KIF6: variants seen among roughly 807,000 people sequenced by gnomAD.
KIF6 encodes kinesin family member 6, also known as kinesin-like protein KIF6.
KIF6 carries 106 observed loss-of-function variants against 112.7 expected under a neutral mutation model. That is an observed-to-expected ratio of 0.94 (90% CI 0.80 to 1.11). The LOEUF (loss-of-function observed/expected upper bound fraction) is 1.11. KIF6 is among the 50% of genes least tolerant of loss of function. The probability of loss-of-function intolerance (pLI) is 0.00; values close to 1 mark genes in which losing one functional copy is unlikely to be tolerated. For missense variants in KIF6, 929 were observed against 964.0 expected, an observed-to-expected ratio of 0.96 and a Z score of 0.48; for synonymous variants, 339 against 339.9, an observed-to-expected ratio of 1.00 and a Z score of 0.03.
intron 13 of KIF6, among the ~76,000 whole-genome samples, chr6:39,477,496 G>T (rs930785731): frequency 6.6e-6 from 1 of 152,114 alleles, no homozygotes; most frequent in African/African-American, 2.4e-5. Flanking sequence ...ATAAGGGGCT[G>T]GTTCTCTGCA....
At chr6:39,521,595 G>A (rs2150526212) in intron 13 of KIF6, among the ~76,000 whole-genome samples, 1 of 152,132 alleles carries the variant, frequency 6.6e-6, no homozygotes, top group Middle Eastern at 3.4e-3. Flanking sequence ...TAAAAATGTA[G>A]GGAAAAATCT....
At chr6:39,702,671 G>T (rs753175289) in intron 3 of KIF6, among the ~76,000 whole-genome samples, 1 of 152,138 alleles carries the variant, frequency 6.6e-6, no homozygotes, top group Non-Finnish European at 1.5e-5. Flanking sequence ...CGAAGTGGTG[G>T]AATTGTAGGC....
rs1345275552 is a variant in KIF6, at chr6:39,639,491, C to T, written c.399+119G>A. 5 of 832,718 alleles carry T rather than the reference C, an allele frequency of 6.0e-6. No homozygotes were observed. The African/African-American group carries it at 8.9e-5, about 15-fold the overall frequency. The allele number at this position is 832,718 out of a possible 1,614,324, so 51.6% of individuals were successfully genotyped here. On this transcript the variant is annotated intron_variant, in intron 4 of 22. Coordinates refer to ENST00000287152, the MANE Select transcript of KIF6 (RefSeq NM_145027.6). ...TTAAAGGTAAAGGCCAAAGTTATGA[C>T]ACAATAAGACTTTATCATTTAGACA...
intron 13 of KIF6, among the ~76,000 whole-genome samples, chr6:39,510,220 AGTAC>A (rs1004251298): frequency 1.3e-5 from 2 of 150,826 alleles, no homozygotes; most frequent in Non-Finnish European, 2.9e-5. Flanking sequence ...CAGCCTCCCG[AGTAC>A]TGGGTCTACA....
chr6:39,528,415 G>A (rs545275867), intron 13 of KIF6, among the ~76,000 whole-genome samples: 22 of 152,190 alleles, frequency 1.4e-4, no homozygotes, highest in Non-Finnish European at 2.8e-4. Flanking sequence ...TAATGGTGAA[G>A]TGAACATGGG....
intron 13 of KIF6, among the ~76,000 whole-genome samples, chr6:39,468,284 G>A (rs937526592): frequency 3.3e-5 from 5 of 151,992 alleles, no homozygotes; most frequent in African/African-American, 9.7e-5. Context: ...GAGGGGAGAA[G>A]AGAGAGAGAA....
intron 19 of KIF6, chr6:39,353,636 C>G (rs1417995619): frequency 6.5e-6 from 1 of 154,918 alleles, no homozygotes; most frequent in Non-Finnish European, 1.4e-5. Context: ...AAACACCAGG[C>G]TAGCCAAACA....
chr6:39,429,744 T>TAA (rs1479067287), intron 14 of KIF6, among the ~76,000 whole-genome samples: 8 of 152,040 alleles, frequency 5.3e-5, no homozygotes, highest in Non-Finnish European at 1.2e-4. Flanking sequence ...CCGTCTCTAC[T>TAA]AAAAATACAA....
chr6:39,457,325 G>A (rs1183531789), intron 13 of KIF6, among the ~76,000 whole-genome samples: 2 of 147,386 alleles, frequency 1.4e-5, no homozygotes, highest in East Asian at 2.0e-4. Flanking sequence ...AAACCAACGA[G>A]AACAAAGACA....
intron 15 of KIF6, among the ~76,000 whole-genome samples, chr6:39,390,999 A>T (rs1483341077): frequency 1.3e-5 from 2 of 152,226 alleles, no homozygotes; most frequent in African/African-American, 4.8e-5. Flanking sequence ...AAACCTTAAA[A>T]TCAGACATAT....
intron 16 of KIF6, among the ~76,000 whole-genome samples, chr6:39,370,776 A>C (rs1280027668): frequency 6.6e-6 from 1 of 151,478 alleles, no homozygotes; most frequent in African/African-American, 2.4e-5. Flanking sequence ...AGCCCGAGAG[A>C]CCACGCAGAA....
At chr6:39,558,748 C>A (rs1016518450) in intron 10 of KIF6, among the ~76,000 whole-genome samples, 1 of 152,152 alleles carries the variant, frequency 6.6e-6, no homozygotes, top group South Asian at 2.1e-4. Context: ...CCAAAAGAAT[C>A]CAACATATCA....
chr6:39,424,349 T>C (rs1562202764), intron 14 of KIF6, among the ~76,000 whole-genome samples: 1 of 152,238 alleles, frequency 6.6e-6, no homozygotes, highest in Non-Finnish European at 1.5e-5. Context: ...CATAAGCAGA[T>C]GGCATACTAT....
intron 13 of KIF6, among the ~76,000 whole-genome samples, chr6:39,508,613 T>A (rs1297795840): frequency 6.6e-6 from 1 of 152,096 alleles, no homozygotes. Context: ...TCGCTGCTAG[T>A]GTAGCAGTAT....
At chr6:39,687,694 C>T (rs1034088207) in intron 3 of KIF6, among the ~76,000 whole-genome samples, 11 of 152,142 alleles carry the variant, frequency 7.2e-5, no homozygotes, top group African/African-American at 2.7e-4. Flanking sequence ...CTGTGTTATA[C>T]ATATTATCAT....
At chr6:39,622,464 T>C (rs1487559105) in intron 5 of KIF6, among the ~76,000 whole-genome samples, 3 of 152,178 alleles carry the variant, frequency 2.0e-5, no homozygotes, top group Admixed American at 6.5e-5. Context: ...CAACAGAGTA[T>C]ATAAAAATTG....
At position 39,480,731 on chromosome 6, in the gene KIF6, G is replaced by A. The variant is rs11963071; in HGVS notation, c.1646-49570C>T. Among the ~76,000 whole-genome samples the A allele has an allele frequency of 7.2e-3, 1,099 of 151,956 alleles. 10 individuals are homozygous for A. Among genetic ancestry groups the A allele is most frequent in the African/African-American group, 0.023 (963 of 41,466 alleles). On this transcript the variant is annotated intron_variant, in intron 13 of 22. Transcript: ENST00000287152. ...ATTTTTTTATTATCATTTTAGTCTC[G>A]CTGCTTGTTATTGGTCTGTTAAGGA...
At chr6:39,600,609 G>A (rs1285849397) in intron 6 of KIF6, among the ~76,000 whole-genome samples, 1 of 152,070 alleles carries the variant, frequency 6.6e-6, no homozygotes, top group Non-Finnish European at 1.5e-5. Flanking sequence ...GGTTTCCAGT[G>A]CCAAATACTC....
intron 3 of KIF6, among the ~76,000 whole-genome samples, chr6:39,672,081 T>C (rs750375335): frequency 1.3e-5 from 2 of 152,236 alleles, no homozygotes; most frequent in Non-Finnish European, 1.5e-5. Context: ...TGTTTAATAT[T>C]AAAAGTGTTT....
Sources: allele counts gnomAD v4.1 joint callset (sites outside exome capture counted in the v4.1 genomes callset), GRCh38; gene constraint gnomAD v4.1.1; transcripts MANE v1.5; gene names NCBI Gene and HGNC (gene_info 2026-07-23, HGNC 2026-07-21).